The following WHRN variants were observed in gnomAD, a reference collection of about 807,000 sequenced individuals.
The protein encoded by WHRN is CASK-interacting protein CIP98.
Under a neutral mutation model 68.3 loss-of-function variants are expected in WHRN, and 41 were observed. The observed-to-expected ratio is 0.60, with a 90% CI of 0.47 to 0.78. WHRN has a LOEUF of 0.78. Among genes scored for constraint, WHRN ranks in the 30% least tolerant of loss-of-function variants. The pLI is 0.00. For synonymous variants in WHRN, 560 were observed against 561.3 expected, an observed-to-expected ratio of 1.00 and a Z score of 0.03; for missense variants, 1,243 against 1,244.7, an observed-to-expected ratio of 1.00 and a Z score of 0.02.
At chr9:114,485,356 A>G (rs1280511791) in intron 1 of WHRN, among the ~76,000 whole-genome samples, 2 of 152,326 alleles carry the variant, frequency 1.3e-5, no homozygotes, top group South Asian at 2.1e-4. Flanking sequence ...TGTGACACTG[A>G]GCCAATTGCC....
intron 1 of WHRN, among the ~76,000 whole-genome samples, chr9:114,501,413 A>G (rs192499052): frequency 6.6e-6 from 1 of 152,350 alleles, no homozygotes; most frequent in East Asian, 1.9e-4. Context: ...GCTTCAGGTA[A>G]CAATGGATGC....
At chr9:114,423,624 G>T in intron 6 of WHRN, 101 bp from the exon 7 acceptor site, 1 of 1,176,218 alleles carries the variant, frequency 8.5e-7, no homozygotes, top group Non-Finnish European at 1.2e-6. Flanking sequence ...ACTTGACCCT[G>T]CCTCCCCTCC....
At chr9:114,499,818 C>T (rs1167821813) in intron 1 of WHRN, among the ~76,000 whole-genome samples, 2 of 152,204 alleles carry the variant, frequency 1.3e-5, no homozygotes, top group African/African-American at 4.8e-5. Flanking sequence ...ATCTTTGCAG[C>T]TCCAACCAAC....
At chr9:114,418,310 TC>T (rs1230301266) in intron 7 of WHRN, among the ~76,000 whole-genome samples, 1 of 152,098 alleles carries the variant, frequency 6.6e-6, no homozygotes, top group African/African-American at 2.4e-5. Context: ...GAAGAGGGGT[TC>T]CCAGGAGACA....
chr9:114,501,551 TACACACACACACACACAC>T (rs59195050), intron 1 of WHRN, among the ~76,000 whole-genome samples: 3 of 144,876 alleles, frequency 2.1e-5, no homozygotes, highest in Admixed American at 6.9e-5. Flanking sequence ...TAATTTTTAT[TACACACACACACACACAC>T]ACACACACAC....
At chr9:114,450,530 G>A (rs1024052774) in intron 3 of WHRN, among the ~76,000 whole-genome samples, 1 of 152,232 alleles carries the variant, frequency 6.6e-6, no homozygotes, top group East Asian at 1.9e-4. Context: ...TGAGCCTCAA[G>A]CAAGACTCAT....
intron 9 of WHRN, among the ~76,000 whole-genome samples, chr9:114,406,086 G>A (rs985334523): frequency 2.0e-5 from 3 of 152,218 alleles, no homozygotes; most frequent in African/African-American, 7.2e-5. Context: ...AAGGCACCCC[G>A]ACGCTCGCAG....
chr9:114,444,439 C>T (rs933805129), intron 3 of WHRN, among the ~76,000 whole-genome samples: 14 of 151,936 alleles, frequency 9.2e-5, no homozygotes, highest in African/African-American at 3.1e-4. Context: ...TATTTAATCA[C>T]ATATAATTAT....
intron 3 of WHRN, among the ~76,000 whole-genome samples, chr9:114,459,695 C>T (rs1327293993): frequency 1.3e-5 from 2 of 152,140 alleles, no homozygotes; most frequent in African/African-American, 2.4e-5. Context: ...GTCCAGCACC[C>T]GTGATAGACC....
At chr9:114,427,386 G>C (rs888237156) in intron 3 of WHRN, among the ~76,000 whole-genome samples, 2 of 152,206 alleles carry the variant, frequency 1.3e-5, no homozygotes, top group African/African-American at 2.4e-5. Context: ...GGTATGATGG[G>C]ACCGCACCTT....
chr9:114,499,440 AT>A (rs1843732403), intron 1 of WHRN, among the ~76,000 whole-genome samples: 1 of 152,186 alleles, frequency 6.6e-6, no homozygotes, highest in Admixed American at 6.5e-5. Context: ...CAGCCATTTA[AT>A]GTCATTCTTT....
At chr9:114,410,892 C>T (rs1287958236) in intron 7 of WHRN, among the ~76,000 whole-genome samples, 2 of 152,246 alleles carry the variant, frequency 1.3e-5, no homozygotes, top group African/African-American at 4.8e-5. Context: ...ATTAGTGACA[C>T]TGGTTCTGGC....
At chr9:114,403,136 G>C in intron 11 of WHRN, 81 bp downstream of exon 11, 1 of 1,599,708 alleles carries the variant, frequency 6.3e-7, no homozygotes, top group Non-Finnish European at 8.6e-7. Context: ...TTACCCATGG[G>C]AGTCGCAAAA....
intron 3 of WHRN, among the ~76,000 whole-genome samples, chr9:114,439,498 C>T (rs2132564531): frequency 6.6e-6 from 1 of 152,304 alleles, no homozygotes; most frequent in South Asian, 2.1e-4. Flanking sequence ...TGATTTCTCA[C>T]TGTTGAAGAA....
rs553180457 is a variant in WHRN at position 114,408,617 on chromosome 9, C to T, written c.1627-599G>A. On this transcript the variant is annotated intron_variant, in intron 7 of 11. Coordinates refer to ENST00000362057, the MANE Select transcript of WHRN (RefSeq NM_015404.4). ...TGTGGGCCGTCTATGGGGGGCCCAT[C>T]GGAGCTCCTCTCTGAGCTGGGCTCT... Among the ~76,000 whole-genome samples the T allele has an allele frequency of 2.2e-3, 339 of 152,366 alleles. 1 individual carries two copies. Among genetic ancestry groups the T allele is most frequent in the African/African-American group, 7.7e-3 (322 of 41,590 alleles).
chr9:114,447,925 C>T (rs924547674), intron 3 of WHRN, among the ~76,000 whole-genome samples: 3 of 152,120 alleles, frequency 2.0e-5, no homozygotes, highest in Non-Finnish European at 2.9e-5. Flanking sequence ...CTGTGAGAAA[C>T]GCAAACTCTC....
intron 8 of WHRN, among the ~76,000 whole-genome samples, chr9:114,407,208 A>G (rs558968871): frequency 6.6e-6 from 1 of 152,330 alleles, no homozygotes; most frequent in East Asian, 1.9e-4. Context: ...AAGAGGATGG[A>G]AATACAAAAA....
chr9:114,491,263 G>A (rs1842948987), intron 1 of WHRN, among the ~76,000 whole-genome samples: 1 of 152,212 alleles, frequency 6.6e-6, no homozygotes, highest in Non-Finnish European at 1.5e-5. Flanking sequence ...AAAGGTGATG[G>A]GCTTCCAATT....
At chr9:114,437,331 C>T (rs556525578) in intron 3 of WHRN, among the ~76,000 whole-genome samples, 2 of 151,818 alleles carry the variant, frequency 1.3e-5, no homozygotes, top group Non-Finnish European at 2.9e-5. Flanking sequence ...TCATCTATAC[C>T]CTGGGCATAA....
Sources: allele counts gnomAD v4.1 joint callset (sites outside exome capture counted in the v4.1 genomes callset), GRCh38; gene constraint gnomAD v4.1.1; transcripts MANE v1.5; gene names NCBI Gene and HGNC (gene_info 2026-07-23, HGNC 2026-07-21).